The following BNC2 variants were observed in gnomAD, a reference collection of about 807,000 sequenced individuals.
BNC2 encodes zinc finger protein basonuclin-2.
BNC2 carries 20 observed loss-of-function variants against 76.3 expected under a neutral mutation model. The observed-to-expected ratio is 0.26, with a 90% CI of 0.18 to 0.38. The LOEUF (loss-of-function observed/expected upper bound fraction) is 0.38, where lower values mean the gene tolerates loss of function less well. BNC2 is among the 10% of genes least tolerant of loss of function. The pLI is 1.00. For missense variants in BNC2, 1,382 were observed against 1,399.8 expected, an observed-to-expected ratio of 0.99 and a Z score of 0.20; for synonymous variants, 582 against 514.8, an observed-to-expected ratio of 1.13 and a Z score of -1.77.
chr9:16,438,122 G>A (rs113041038), intron 5 of BNC2, among the ~76,000 whole-genome samples: 13,168 of 151,338 alleles, frequency 0.087, 602 homozygotes, highest in Middle Eastern at 0.13. Flanking sequence ...TTTTTTTTGA[G>A]TGGCTATATT....
chr9:16,757,705 C>T lies in BNC2; in HGVS notation c.4-19220G>A, dbSNP rs146188266. Among the ~76,000 whole-genome samples, 12 of 103,672 alleles carry T rather than the reference C, an allele frequency of 1.2e-4. No individual in the cohort carries two copies. In the East Asian group the frequency reaches 2.6e-3, roughly 23 times the overall value. 68.0% of individuals were successfully genotyped at this position (103,672 alleles called of 152,430 possible). A position where few individuals can be genotyped will look rare whatever the true frequency, so the allele number is the denominator to read the frequency against. ...TATTCCTGGTACAATGGTAGCAAAG[C>T]AACCCTTGATTTTAAAAAGAAAAAA... is the stretch of plus-strand genomic sequence containing the variant. On this transcript the variant is annotated intron_variant, in intron 1 of 6. Transcript: ENST00000380672.
intron 1 of BNC2, among the ~76,000 whole-genome samples, chr9:16,747,067 T>C (rs1825031906): frequency 6.6e-6 from 1 of 152,034 alleles, no homozygotes. Flanking sequence ...ATACAAAATA[T>C]CACACCACGC....
chr9:16,645,413 G>A (rs955123499), intron 3 of BNC2, among the ~76,000 whole-genome samples: 12 of 152,140 alleles, frequency 7.9e-5, no homozygotes, highest in African/African-American at 1.9e-4. Flanking sequence ...TCCAGTTCAC[G>A]TCACATTTTT....
chr9:16,631,713 A>G (rs1466928540), intron 3 of BNC2, among the ~76,000 whole-genome samples: 1 of 152,242 alleles, frequency 6.6e-6, no homozygotes, highest in Admixed American at 6.5e-5. Flanking sequence ...GCATCTTGAC[A>G]TAAAAACCAT....
At chr9:16,431,913 G>A (rs990205601) in intron 6 of BNC2, among the ~76,000 whole-genome samples, 7 of 152,192 alleles carry the variant, frequency 4.6e-5, no homozygotes, top group Admixed American at 2.6e-4. Flanking sequence ...AGCTCAGGCA[G>A]TAATGCTCAC....
intron 3 of BNC2, among the ~76,000 whole-genome samples, chr9:16,616,932 C>T (rs922604027): frequency 3.3e-5 from 5 of 151,940 alleles, no homozygotes; most frequent in African/African-American, 1.2e-4. Context: ...GTCCTAGTTG[C>T]CACCACTTGT....
intron 1 of BNC2, among the ~76,000 whole-genome samples, chr9:16,799,946 C>T (rs73412515): frequency 1.7e-4 from 26 of 152,014 alleles, no homozygotes; most frequent in African/African-American, 6.3e-4. Flanking sequence ...ATGTAGAGGC[C>T]GGGCGCGGTG....
At chr9:16,509,834 T>C (rs1822712615) in intron 5 of BNC2, among the ~76,000 whole-genome samples, 1 of 152,218 alleles carries the variant, frequency 6.6e-6, no homozygotes, top group South Asian at 2.1e-4. Flanking sequence ...AGGTTGTTTG[T>C]ACATTTCTAA....
intron 1 of BNC2, among the ~76,000 whole-genome samples, chr9:16,863,698 A>T (rs1290432936): frequency 1.3e-5 from 2 of 152,230 alleles, no homozygotes; most frequent in Non-Finnish European, 2.9e-5. Flanking sequence ...CCGTTTCAAA[A>T]AAAACCTTAA....
At chr9:16,520,207 C>G (rs1482569837) in intron 5 of BNC2, among the ~76,000 whole-genome samples, 2 of 152,158 alleles carry the variant, frequency 1.3e-5, no homozygotes, top group African/African-American at 4.8e-5. Flanking sequence ...ACAATCATCT[C>G]ACACTGCTGA....
Position 16,419,195 on chromosome 9 carries a change from T to A in BNC2, c.3094A>T (p.Asn1032Tyr). The change falls in exon 7 of 7, where the codon AAT becomes TAT. Residue 1032 changes from asparagine to tyrosine, a missense_variant. Coordinates refer to ENST00000380672, the MANE Select transcript of BNC2 (RefSeq NM_017637.6). Reference protein sequence around the residue: ...SLMFSSLSGSNGGIMCNICHK... With the variant: ...SLMFSSLSGSYGGIMCNICHK... ...CAAATGTTGCACATGATCCCACCAT[T>A]GCTCCCAGACAAGCTGCTGAACATA... The A allele has an allele frequency of 6.2e-7, 1 of 1,614,198 alleles. No individual in the cohort carries two copies. The highest frequency in any genetic ancestry group is 1.1e-5 in the South Asian group (1 of 91,086).
At chr9:16,642,768 T>C (rs1053960702) in intron 3 of BNC2, among the ~76,000 whole-genome samples, 4 of 152,144 alleles carry the variant, frequency 2.6e-5, no homozygotes, top group African/African-American at 7.2e-5. Context: ...ATGGCTTAAA[T>C]AGTCTACACA....
At chr9:16,681,739 T>C (rs148721359) in intron 3 of BNC2, among the ~76,000 whole-genome samples, 1 of 152,296 alleles carries the variant, frequency 6.6e-6, no homozygotes, top group Non-Finnish European at 1.5e-5. Flanking sequence ...AAAGCTGCAG[T>C]GTATGTACAT....
chr9:16,824,775 A>G (rs1246417558), intron 1 of BNC2, among the ~76,000 whole-genome samples: 1 of 152,228 alleles, frequency 6.6e-6, no homozygotes. Flanking sequence ...AGGGAAGCCA[A>G]ACTTGTCTAT....
intron 4 of BNC2, chr9:16,580,066 A>G (rs1819588711): frequency 2.5e-6 from 1 of 398,402 alleles, no homozygotes; most frequent in Non-Finnish European, 4.4e-6. Flanking sequence ...CACACCCAGG[A>G]CACTGCACAG....
At chr9:16,779,301 CAAAAA>C (rs71327858) in intron 1 of BNC2, among the ~76,000 whole-genome samples, 7 of 105,236 alleles carry the variant, frequency 6.7e-5, no homozygotes, top group Admixed American at 9.3e-5. Context: ...GACCCTCTCT[CAAAAA>C]AAAAAAAAAA....
At chr9:16,571,376 G>A (rs1488123894) in intron 4 of BNC2, among the ~76,000 whole-genome samples, 1 of 151,988 alleles carries the variant, frequency 6.6e-6, no homozygotes, top group Non-Finnish European at 1.5e-5. Context: ...CATATATATA[G>A]GATAAATGTT....
intron 5 of BNC2, among the ~76,000 whole-genome samples, chr9:16,498,171 TATCATATATATATTCC>T (rs1437301139): frequency 0.059 from 8,329 of 141,524 alleles, 614 homozygotes; most frequent in African/African-American, 0.14. Context: ...ATATATATTC[TATCATATATATATTCC>T]ATCATATATA....
intron 1 of BNC2, among the ~76,000 whole-genome samples, chr9:16,783,835 T>C (rs912149293): frequency 2.0e-5 from 3 of 152,222 alleles, no homozygotes; most frequent in Non-Finnish European, 4.4e-5. Context: ...AACCTTTGGC[T>C]AACTGACAAC....
Sources: gnomAD v4.1 joint callset for allele counts (sites outside exome capture counted in the v4.1 genomes callset) on GRCh38, gnomAD v4.1.1 for gene constraint, MANE v1.5 for transcripts, NCBI Gene and HGNC (gene_info 2026-07-23, HGNC 2026-07-21) for gene names.